Variants in PDE4B observed in about 807,000 individuals in gnomAD.
PDE4B encodes the protein phosphodiesterase 4B.
Under a neutral mutation model 82.2 loss-of-function variants are expected in PDE4B, and 20 were observed. The observed-to-expected ratio is 0.24, with a 90% CI of 0.17 to 0.35. The LOEUF (loss-of-function observed/expected upper bound fraction) is 0.35. PDE4B is among the 10% of genes least tolerant of loss of function. The pLI, the probability that PDE4B is intolerant of heterozygous loss-of-function variation, is 1.00. For synonymous variants in PDE4B, 320 were observed against 318.9 expected (o/e 1.00, Z -0.04); for missense variants, 655 against 907.2 (o/e 0.72, Z 3.57).
At chr1:66,266,593 G>A (rs763766398) in intron 7 of PDE4B, 3 of 417,460 alleles carry the variant, frequency 7.2e-6, no homozygotes, top group South Asian at 3.7e-5. Flanking sequence ...CTTTTGGAGG[G>A]CATCCAACTT....
chr1:66,209,938 T>A (rs1649887968), intron 3 of PDE4B, among the ~76,000 whole-genome samples: 1 of 152,220 alleles, frequency 6.6e-6, no homozygotes, highest in Non-Finnish European at 1.5e-5. Flanking sequence ...GATGTGTATA[T>A]GGTTGTTTCT....
intron 3 of PDE4B, among the ~76,000 whole-genome samples, chr1:65,946,456 G>A (rs1648717619): frequency 6.6e-6 from 1 of 152,020 alleles, no homozygotes; most frequent in African/African-American, 2.4e-5. Context: ...AGAATGTGGA[G>A]TTAGGAAGAG....
At chr1:65,829,639 CA>C (rs1646058674) in intron 1 of PDE4B, among the ~76,000 whole-genome samples, 1 of 151,908 alleles carries the variant, frequency 6.6e-6, no homozygotes. Context: ...AAATCAATAA[CA>C]AAAAGATCTA....
intron 2 of PDE4B, among the ~76,000 whole-genome samples, chr1:65,914,340 G>C (rs1365390774): frequency 6.6e-6 from 1 of 152,056 alleles, no homozygotes; most frequent in East Asian, 1.9e-4. Context: ...GGAGAGTTAG[G>C]TGTGCTATTT....
intron 16 of PDE4B, among the ~76,000 whole-genome samples, chr1:66,369,751 CCTG>C (rs1329965284): frequency 6.6e-6 from 1 of 152,144 alleles, no homozygotes; most frequent in Admixed American, 6.5e-5. Flanking sequence ...TTCCCTACTA[CCTG>C]GATACTCCAA....
intron 3 of PDE4B, among the ~76,000 whole-genome samples, chr1:66,214,690 G>T (rs1400727694): frequency 6.6e-6 from 1 of 151,866 alleles, no homozygotes; most frequent in African/African-American, 2.4e-5. Context: ...GAGATTATTT[G>T]CCCTGTGTCA....
intron 7 of PDE4B, among the ~76,000 whole-genome samples, chr1:66,311,972 A>T (rs569263502): frequency 6.6e-6 from 1 of 152,258 alleles, no homozygotes; most frequent in East Asian, 1.9e-4. Flanking sequence ...ATAAATCCCC[A>T]AATGTATAGG....
chr1:66,260,354 A>G (rs188759502), intron 6 of PDE4B, among the ~76,000 whole-genome samples: 18 of 152,346 alleles, frequency 1.2e-4, no homozygotes, highest in African/African-American at 3.4e-4. Flanking sequence ...GGTTATAGGA[A>G]GAAGTCCCTG....
At chr1:66,136,776 G>T (rs1646066439) in intron 3 of PDE4B, among the ~76,000 whole-genome samples, 1 of 150,808 alleles carries the variant, frequency 6.6e-6, no homozygotes, top group Non-Finnish European at 1.5e-5. Context: ...ATTGCTGGGA[G>T]ACAAACCATC....
intron 3 of PDE4B, among the ~76,000 whole-genome samples, chr1:66,147,871 A>G (rs1468954746): frequency 1.3e-5 from 2 of 152,226 alleles, no homozygotes; most frequent in Non-Finnish European, 2.9e-5. Context: ...ATTATTTGGA[A>G]CGTACCCAAG....
chr1:66,041,404 G>A (rs1392812), intron 3 of PDE4B, among the ~76,000 whole-genome samples: 71,643 of 151,670 alleles, frequency 0.47, 17,567 homozygotes, highest in Non-Finnish European at 0.54. Context: ...GCTGACAATC[G>A]TTATAGTAGC....
chr1:66,129,516 C>T (rs1485064977), intron 3 of PDE4B, among the ~76,000 whole-genome samples: 19 of 150,888 alleles, frequency 1.3e-4, no homozygotes, highest in African/African-American at 3.7e-4. Context: ...AAAAATTAGC[C>T]GGGCGTAGTG....
At chr1:65,901,781 C>T (rs1363899483) in intron 1 of PDE4B, among the ~76,000 whole-genome samples, 1 of 151,878 alleles carries the variant, frequency 6.6e-6, no homozygotes, top group African/African-American at 2.4e-5. Context: ...ATTTATGAGT[C>T]TCAGTTTCAT....
intron 3 of PDE4B, among the ~76,000 whole-genome samples, chr1:65,961,710 C>T (rs554703747): frequency 4.5e-4 from 69 of 151,988 alleles, no homozygotes; most frequent in Non-Finnish European, 9.0e-4. Context: ...GTGAAAAATG[C>T]GTAGTAATGT....
At chr1:66,366,184 A>T (rs1300158168) in intron 13 of PDE4B, among the ~76,000 whole-genome samples, 1 of 152,152 alleles carries the variant, frequency 6.6e-6, no homozygotes, top group African/African-American at 2.4e-5. Flanking sequence ...GAATCTGCAC[A>T]TGGGAACCTC....
chr1:66,228,219 C>A (rs1235631467), intron 3 of PDE4B, among the ~76,000 whole-genome samples: 1 of 152,322 alleles, frequency 6.6e-6, no homozygotes, highest in Middle Eastern at 3.4e-3. Context: ...CCTTCCCTTC[C>A]TTTACCCCGG....
chr1:66,371,806 AT>A (rs1205651026), intron 16 of PDE4B, among the ~76,000 whole-genome samples: 1 of 152,224 alleles, frequency 6.6e-6, no homozygotes, highest in African/African-American at 2.4e-5. Flanking sequence ...AGGAAAAAAT[AT>A]TGAGTCAAAA....
At chr1:66,245,191 T>G (rs1430443694) in intron 3 of PDE4B, among the ~76,000 whole-genome samples, 6 of 152,218 alleles carry the variant, frequency 3.9e-5, no homozygotes, top group African/African-American at 1.4e-4. Flanking sequence ...AATCCTTTAG[T>G]TACTGGATCA....
At chr1:66,091,354 A>C (rs1243556327) in intron 3 of PDE4B, among the ~76,000 whole-genome samples, 2 of 152,090 alleles carry the variant, frequency 1.3e-5, no homozygotes, top group Non-Finnish European at 2.9e-5. Flanking sequence ...AAAAACACAG[A>C]AGAAAGCCCT....
Sources: allele counts gnomAD v4.1 joint callset (sites outside exome capture counted in the v4.1 genomes callset), GRCh38; gene constraint gnomAD v4.1.1; transcripts MANE v1.5; gene names NCBI Gene and HGNC (gene_info 2026-07-23, HGNC 2026-07-21).